The following ZNF783 variants were observed in gnomAD, a reference collection of about 807,000 sequenced individuals.
The protein encoded by ZNF783 is zinc finger protein 783, also known as protein ZNF783.
Under a neutral mutation model 31.3 loss-of-function variants are expected in ZNF783, and 25 were observed. The observed-to-expected ratio is 0.80, with a 90% confidence interval of 0.58 to 1.11. The LOEUF (loss-of-function observed/expected upper bound fraction) is 1.11. Ranked by LOEUF, ZNF783 falls within the 50% of genes most tolerant of loss-of-function variation. The pLI, the probability that ZNF783 is intolerant of heterozygous loss-of-function variation, is 0.00. For missense variants in ZNF783, 797 were observed against 760.0 expected (o/e 1.05, Z -0.57); for synonymous variants, 369 against 319.1 (o/e 1.16, Z -1.66).
chr7:149,263,372 G>A (rs1796991125), intron 1 of ZNF783, among the ~76,000 whole-genome samples: 1 of 147,028 alleles, frequency 6.8e-6, no homozygotes, highest in Non-Finnish European at 1.5e-5. Context: ...GGAGTGTAGT[G>A]GCGGGATCTC....
Position 149,281,695 on chromosome 7 carries a change from G to C in ZNF783, c.993G>C (p.Pro331=). 1.3e-6 allele frequency: 2 copies of C among 1,489,336 alleles called. No individual in the cohort carries two copies. Among genetic ancestry groups the C allele is most frequent in the South Asian group, 1.4e-5 (1 of 73,978 alleles). 92.3% of individuals were successfully genotyped at this position (1,489,336 alleles called of 1,614,324 possible). A position where few individuals can be genotyped will look rare whatever the true frequency, so the allele number is the denominator to read the frequency against. The change falls in exon 6 of 6, where the codon CCG becomes CCC. Residue 331 remains proline (P), a synonymous_variant. Transcript: ENST00000434415. The part of the protein sequence containing the change: ...PRVRAGEPRP[P]GASGETPRVL... The stretch of plus-strand genomic sequence containing the variant: ...TGCGGGCAGGGGAGCCACGGCCACC[G>C]GGGGCCAGTGGGGAGACGCCCCGAG...
At chr7:149,267,942 C>T (rs886404489) in intron 4 of ZNF783, among the ~76,000 whole-genome samples, 2 of 152,208 alleles carry the variant, frequency 1.3e-5, no homozygotes, top group Non-Finnish European at 2.9e-5. Flanking sequence ...AGGCATGTCA[C>T]GTGCTGGCTT....
intron 1 of ZNF783, among the ~76,000 whole-genome samples, chr7:149,265,069 T>C (rs989516526): frequency 6.6e-6 from 1 of 151,706 alleles, no homozygotes; most frequent in Non-Finnish European, 1.5e-5. Context: ...AGCAAGGTGA[T>C]GGGAACTTGG....
chr7:149,277,091 G>T (rs1481765728), intron 4 of ZNF783: 1 of 152,098 alleles, frequency 6.6e-6, no homozygotes, highest in Non-Finnish European at 1.5e-5. Flanking sequence ...CTTGTGATCC[G>T]CCTGCCTTGG....
rs139380836 is a variant in ZNF783, at chr7:149,265,042, C to T, written c.25-1293C>T. The stretch of plus-strand genomic sequence containing the variant: ...AGTGGGGAAATCAGGTGGGCAGGAC[C>T]GCAGTGGCCCAGGCCAAGCAAGGTG... On this transcript the variant is annotated intron_variant, in intron 1 of 5. Coordinates refer to ENST00000434415, the MANE Select transcript of ZNF783 (RefSeq NM_001195220.2). 3.0e-3 allele frequency among the ~76,000 whole-genome samples: 425 copies of T among 141,578 alleles called. 2 individuals carry two copies. The highest frequency in any genetic ancestry group is 0.01 in the African/African-American group (405 of 39,086). The allele number at this position is 141,578 out of a possible 152,430, so 92.9% of individuals were successfully genotyped here. A position where few individuals can be genotyped will look rare whatever the true frequency, so the allele number is the denominator to read the frequency against.
intron 4 of ZNF783, chr7:149,277,182 T>G (rs2129525093): frequency 6.6e-6 from 1 of 152,364 alleles, no homozygotes; most frequent in African/African-American, 2.4e-5. Context: ...GGCATTGTTC[T>G]CTGGATGCTT....
chr7:149,278,465 G>C lies in ZNF783; in HGVS notation c.740G>C (p.Gly247Ala). Residue 247 changes from glycine to alanine, a missense_variant, in exon 5 of 6, where the codon GGG becomes GCG. Coordinates refer to ENST00000434415, the MANE Select transcript of ZNF783 (RefSeq NM_001195220.2). ...CCTGCCCAGGAGGAGCTGAAAGAAG[G>C]GCAGGCCCCCAAGCAGCAGCAGGAC... is the stretch of plus-strand genomic sequence containing the variant. Reference protein sequence around the residue: ...LSPAQEELKEGQAPKQQQDSE... With the variant: ...LSPAQEELKEAQAPKQQQDSE... 6.3e-7 allele frequency: 1 copy of C among 1,599,282 alleles called. No homozygotes were observed. The highest frequency in any genetic ancestry group is 8.5e-7 in the Non-Finnish European group (1 of 1,179,752).
chr7:149,263,313 TATATATATA>T (rs1796987934), intron 1 of ZNF783, among the ~76,000 whole-genome samples: 3 of 132,742 alleles, frequency 2.3e-5, no homozygotes, highest in African/African-American at 9.2e-5. Context: ...TGTATATATA[TATATATATA>T]TATTTTTTTT....
chr7:149,273,015 C>T (rs919944493), intron 4 of ZNF783, among the ~76,000 whole-genome samples: 2 of 152,110 alleles, frequency 1.3e-5, no homozygotes, highest in African/African-American at 4.8e-5. Context: ...TCTTTCTGTG[C>T]CTGGCTTATT....
intron 4 of ZNF783, among the ~76,000 whole-genome samples, chr7:149,274,364 CT>C (rs1270564138): frequency 0.038 from 5,366 of 141,482 alleles, 97 homozygotes; most frequent in African/African-American, 0.082. Flanking sequence ...TTTTCCTTTT[CT>C]TTTTTTTTTT....
Position 149,282,052 on chromosome 7 carries a change from C to G in ZNF783, c.1350C>G (p.Ser450Arg), listed in dbSNP as rs371786472. ...TGCGCTTCTTCCAGCAGCGCAAGAG[C>G]CTGCTGCTGCACCAGCGCCTGCACA... ...ECLRFFQQRKSLLLHQRLHTG... is the reference protein window; with the variant it reads ...ECLRFFQQRKRLLLHQRLHTG... Residue 450 changes from serine to arginine, a missense_variant, in exon 6 of 6, where the codon AGC becomes AGG. By Grantham distance (110) the Ser-to-Arg change is moderately radical. Coordinates refer to ENST00000434415, the MANE Select transcript of ZNF783 (RefSeq NM_001195220.2). 1 of 1,593,878 alleles carries G rather than the reference C, an allele frequency of 6.3e-7. No homozygotes were observed. Among genetic ancestry groups the G allele is most frequent in the Admixed American group, 1.7e-5 (1 of 59,386 alleles).
At chr7:149,263,862 T>C (rs561450776) in intron 1 of ZNF783, among the ~76,000 whole-genome samples, 36 of 152,356 alleles carry the variant, frequency 2.4e-4, no homozygotes, top group African/African-American at 8.7e-4. Flanking sequence ...GTGAGTGTGC[T>C]GAGCTTCTTT....
At position 149,282,111 on chromosome 7, in the gene ZNF783, A is replaced by T. The variant is rs1476946452; in HGVS notation, c.1409A>T (p.Tyr470Phe). 2 of 1,598,274 alleles carry T rather than the reference A, an allele frequency of 1.3e-6. No individual in the cohort carries two copies. The highest frequency in any genetic ancestry group is 4.5e-5 in the East Asian group (2 of 44,862). Residue 470 changes from tyrosine (Y) to phenylalanine (F), a missense_variant, in exon 6 of 6, where the codon TAC (tyrosine) becomes TTC (phenylalanine). Physicochemically the swap from Tyr to Phe is conservative, Grantham distance 22 (BLOSUM62 3). Coordinates refer to ENST00000434415, the MANE Select transcript of ZNF783 (RefSeq NM_001195220.2). ...GGCCAGGGCTGGCCCGCCTGCCCCT[A>T]CTGCGGCAAGGCCTTCCGCCGGCCC... ...GNGQGWPACPYCGKAFRRPSD... is the reference protein window; with the variant it reads ...GNGQGWPACPFCGKAFRRPSD...
At position 149,263,304 on chromosome 7, in the gene ZNF783, G is replaced by GTGTGTGTATA. The variant is rs1459712064; in HGVS notation, c.24+948_24+949insGTGTGTATAT. ...TGTGTGTGTGTGTGTGTGTGTGTGT[G>GTGTGTGTATA]TATATATATATATATATATATTTTT... is the stretch of plus-strand genomic sequence containing the variant. On this transcript the variant is annotated intron_variant, in intron 1 of 5. Transcript: ENST00000434415. Among the ~76,000 whole-genome samples, 6 of 64,290 alleles carry GTGTGTGTATA rather than the reference G, an allele frequency of 9.3e-5. No homozygotes were observed. In the Admixed American group the frequency reaches 1.1e-3, roughly 11 times the overall value. The allele number at this position is 64,290 out of a possible 152,430, so 42.2% of individuals were successfully genotyped here. A position where few individuals can be genotyped will look rare whatever the true frequency, so the allele number is the denominator to read the frequency against.
chr7:149,280,906 G>A (rs192762681), intron 5 of ZNF783, among the ~76,000 whole-genome samples: 2 of 152,242 alleles, frequency 1.3e-5, no homozygotes, highest in Admixed American at 1.3e-4. Flanking sequence ...AGTTGAGTGA[G>A]ACTCACACAG....
chr7:149,268,163 G>A (rs1034732292), intron 4 of ZNF783, among the ~76,000 whole-genome samples: 3 of 152,100 alleles, frequency 2.0e-5, no homozygotes, highest in African/African-American at 7.2e-5. Context: ...TGCCACATGC[G>A]CTTCATCCAT....
In ZNF783 at chr7:149,281,576, G is replaced by A. The variant is rs1797465426; in HGVS notation, c.874G>A (p.Val292Met). The change falls in exon 6 of 6, where the codon GTG becomes ATG. Residue 292 changes from valine to methionine, a missense_variant. Transcript: ENST00000434415. ...GACGCCTGAGCGGCTCTTTCTGGGG[G>A]TGTCCCGAGGCCAGACCGAGTGTAG... ...EMTPERLFLG[V>M]SRGQTECRIP... 3 of 1,511,636 alleles carry A rather than the reference G, an allele frequency of 2.0e-6. No homozygotes were observed. The highest frequency in any genetic ancestry group is 2.6e-6 in the Non-Finnish European group (3 of 1,144,522). The allele number at this position is 1,511,636 out of a possible 1,614,324, so 93.6% of individuals were successfully genotyped here. A position where few individuals can be genotyped will look rare whatever the true frequency, so the allele number is the denominator to read the frequency against.
chr7:149,278,555 T>A (rs747367184), intron 5 of ZNF783, 28 bp downstream of exon 5: 1 of 1,598,622 alleles, frequency 6.3e-7, no homozygotes, highest in Non-Finnish European at 8.5e-7. Context: ...GGCGGCAGGA[T>A]GAACAGTGTC....
chr7:149,277,075 C>T (rs969712823), intron 4 of ZNF783: 5 of 152,160 alleles, frequency 3.3e-5, no homozygotes, highest in Non-Finnish European at 7.3e-5. Flanking sequence ...GTCTTGATCT[C>T]CTGACCTTGT....
Sources: allele counts gnomAD v4.1 joint callset (sites outside exome capture counted in the v4.1 genomes callset), GRCh38; gene constraint gnomAD v4.1.1; transcripts MANE v1.5; gene names NCBI Gene and HGNC (gene_info 2026-07-23, HGNC 2026-07-21).